IQSEC1: variants seen among roughly 807,000 people sequenced by gnomAD.
The protein encoded by IQSEC1 is IQ motif and Sec7 domain ArfGEF 1.
IQSEC1 carries 31 observed loss-of-function variants against 91.0 expected under a neutral mutation model. That is an observed-to-expected ratio of 0.34 (90% CI 0.26 to 0.46). The LOEUF (loss-of-function observed/expected upper bound fraction) is 0.46, where lower values mean the gene tolerates loss of function less well. Ranked by LOEUF, IQSEC1 falls within the 20% of genes least tolerant of loss-of-function variation. The pLI is 1.00. For missense variants in IQSEC1, 1,388 were observed against 1,575.6 expected, an observed-to-expected ratio of 0.88 and a Z score of 2.02; for synonymous variants, 699 against 662.6, an observed-to-expected ratio of 1.05 and a Z score of -0.84.
chr3:13,085,662 TG>T (rs1219245936), intron 2 of IQSEC1, among the ~76,000 whole-genome samples: 12 of 152,260 alleles, frequency 7.9e-5, no homozygotes, highest in East Asian at 5.8e-4. Flanking sequence ...CTAGTGGTTG[TG>T]ACAGAATAGC....
intron 2 of IQSEC1, among the ~76,000 whole-genome samples, chr3:13,112,829 G>A (rs1576255729): frequency 6.6e-6 from 1 of 152,356 alleles, no homozygotes; most frequent in East Asian, 1.9e-4. Context: ...AATGACTCTG[G>A]AGGCTCCCAC....
At chr3:12,953,288 C>T (rs116045279) in intron 1 of IQSEC1, among the ~76,000 whole-genome samples, 340 of 152,360 alleles carry the variant, frequency 2.2e-3, no homozygotes, top group African/African-American at 7.6e-3. Context: ...GGCAGCCCGA[C>T]CCGATCCGCG....
chr3:13,085,045 A>C (rs1306777107), intron 2 of IQSEC1, among the ~76,000 whole-genome samples: 1 of 152,208 alleles, frequency 6.6e-6, no homozygotes, highest in African/African-American at 2.4e-5. Flanking sequence ...TTGGGCTCAG[A>C]GGCCATAGAT....
At chr3:13,279,793 C>T (rs1282815669) in intron 1 of IQSEC1, among the ~76,000 whole-genome samples, 1 of 152,202 alleles carries the variant, frequency 6.6e-6, no homozygotes, top group African/African-American at 2.4e-5. Flanking sequence ...GAGCAGAGTC[C>T]TCAGCAGGAA....
intron 1 of IQSEC1, among the ~76,000 whole-genome samples, chr3:13,242,820 T>A (rs1450069676): frequency 6.7e-6 from 1 of 149,152 alleles, no homozygotes; most frequent in African/African-American, 2.5e-5. Context: ...AGACACCAGG[T>A]GTTAACATCC....
At chr3:13,064,193 A>T (rs916514158) in intron 1 of IQSEC1, among the ~76,000 whole-genome samples, 2 of 152,136 alleles carry the variant, frequency 1.3e-5, no homozygotes, top group Admixed American at 1.3e-4. Flanking sequence ...GCATAGAACT[A>T]AACACACGCA....
chr3:13,108,478 C>T (rs1706189809), intron 2 of IQSEC1, among the ~76,000 whole-genome samples: 1 of 152,016 alleles, frequency 6.6e-6, no homozygotes, highest in African/African-American at 2.4e-5. Context: ...CCATTTGTAT[C>T]TCCACCAGCG....
intron 2 of IQSEC1, among the ~76,000 whole-genome samples, chr3:13,154,306 CA>C (rs1707046241): frequency 6.6e-6 from 1 of 150,664 alleles, no homozygotes; most frequent in Non-Finnish European, 1.5e-5. Context: ...CGCACAAGGG[CA>C]GGGCCTTCTG....
At chr3:13,150,158 C>T (rs148669544) in intron 2 of IQSEC1, among the ~76,000 whole-genome samples, 2 of 152,314 alleles carry the variant, frequency 1.3e-5, no homozygotes, top group South Asian at 4.1e-4. Flanking sequence ...ATGGACTATG[C>T]ACTTTTTCCC....
chr3:13,248,888 C>A (rs9862477), intron 1 of IQSEC1, among the ~76,000 whole-genome samples: 4 of 152,116 alleles, frequency 2.6e-5, no homozygotes, highest in South Asian at 2.1e-4. Context: ...GTAACTTGCC[C>A]GAGGTCACGT....
At position 12,924,058 on chromosome 3, in the gene IQSEC1, G is replaced by A. The variant is rs1055865374; in HGVS notation, c.1730+523C>T. ...GGAGAATGAGGCAGGGGCAGAGCGT[G>A]GCACGGGCCGCCCACGGGGAGGCAG... On this transcript the variant is annotated intron_variant, in intron 4 of 13. Coordinates refer to ENST00000613206, the MANE Select transcript of IQSEC1 (RefSeq NM_001134382.3). The surrounding 1 kb of genome is among the most constrained non-coding windows in gnomAD (Gnocchi z 6.3). 2.0e-5 allele frequency among the ~76,000 whole-genome samples: 3 copies of A among 152,208 alleles called. No individual in the cohort carries two copies. Among genetic ancestry groups the A allele is most frequent in the Admixed American group, 2.0e-4 (3 of 15,284 alleles).
chr3:12,953,128 G>GAACTGA (rs1699669040), intron 1 of IQSEC1, among the ~76,000 whole-genome samples: 1 of 152,198 alleles, frequency 6.6e-6, no homozygotes, highest in Non-Finnish European at 1.5e-5. Context: ...AGCTAGGTCT[G>GAACTGA]AACTGAGCAA....
At chr3:12,939,648 T>C (rs1698569249) in intron 2 of IQSEC1, among the ~76,000 whole-genome samples, 1 of 152,194 alleles carries the variant, frequency 6.6e-6, no homozygotes, top group Non-Finnish European at 1.5e-5. Flanking sequence ...TCCTCCCTCT[T>C]ACCTCTTTGG....
chr3:13,170,808 G>A (rs994097248), intron 1 of IQSEC1, among the ~76,000 whole-genome samples: 5 of 152,166 alleles, frequency 3.3e-5, no homozygotes, highest in Non-Finnish European at 7.4e-5. Context: ...GGAGTCTTTA[G>A]AAAGCCTTGT....
In IQSEC1 at chr3:13,038,260, GTGTATATATATATATATATATATA is replaced by G. The variant is rs1704113474; in HGVS notation, c.23+34708_23+34731del. On this transcript the variant is annotated intron_variant, in intron 1 of 13. Transcript: ENST00000613206. ...TACAAGTATATATATGTGTGTGTGT[GTGTATATATATATATATATATATA>G]TATATATATATATAAAATGAAGTAC... Among the ~76,000 whole-genome samples, 3 of 62,360 alleles carry G rather than the reference GTGTATATATATATATATATATATA, an allele frequency of 4.8e-5. No homozygotes were observed. In the Admixed American group the frequency reaches 7.1e-4, roughly 15 times the overall value. The allele number at this position is 62,360 out of a possible 152,430, so 40.9% of individuals were successfully genotyped here. A position where few individuals can be genotyped will look rare whatever the true frequency, so the allele number is the denominator to read the frequency against.
intron 4 of IQSEC1, among the ~76,000 whole-genome samples, chr3:12,923,608 C>A (rs1337344025): frequency 6.6e-6 from 1 of 152,126 alleles, no homozygotes; most frequent in Non-Finnish European, 1.5e-5. Context: ...GATGTGTGCC[C>A]AGGCCAGCCC....
At chr3:12,907,257 A>G (rs943150026) in intron 12 of IQSEC1, among the ~76,000 whole-genome samples, 2 of 152,200 alleles carry the variant, frequency 1.3e-5, no homozygotes, top group African/African-American at 4.8e-5. Context: ...AAAAAATCCA[A>G]CTTAAAGGGC....
intron 2 of IQSEC1, among the ~76,000 whole-genome samples, chr3:13,119,763 G>T (rs560294201): frequency 3.9e-5 from 6 of 152,352 alleles, no homozygotes; most frequent in Non-Finnish European, 7.3e-5. Flanking sequence ...TGACACCGAA[G>T]CCAAGGATAG....
In IQSEC1 at chr3:12,909,532, C is replaced by T. The variant is rs757311051; in HGVS notation, c.2417-98G>A. On this transcript the variant is annotated intron_variant, in intron 10 of 13. Coordinates refer to ENST00000613206, the MANE Select transcript of IQSEC1 (RefSeq NM_001134382.3). This position sits in a 1 kb window ranked among gnomAD's most constrained non-coding sequence, Gnocchi z 4.9. ...GAAACAATGGTAGGGCTGAGTTGTG[C>T]GTGAGCCTGGGATAAGTGCCGGGAG... 3.0e-5 allele frequency: 38 copies of T among 1,267,204 alleles called. No homozygotes were observed. Among genetic ancestry groups the T allele is most frequent in the African/African-American group, 4.5e-5 (3 of 67,258 alleles). 78.5% of individuals were successfully genotyped at this position (1,267,204 alleles called of 1,614,324 possible).
Sources: gnomAD v4.1 joint callset for allele counts (sites outside exome capture counted in the v4.1 genomes callset) on GRCh38, gnomAD v4.1.1 for gene constraint, Gnocchi (gnomAD v3.1) non-coding constraint, MANE v1.5 for transcripts, NCBI Gene and HGNC (gene_info 2026-07-23, HGNC 2026-07-21) for gene names.